Variants in MAPK4 observed in about 807,000 individuals in gnomAD.
MAPK4 encodes mitogen-activated protein kinase 4.
Under a neutral mutation model 47.7 loss-of-function variants are expected in MAPK4, and 22 were observed. The observed-to-expected ratio is 0.46, with a 90% CI of 0.33 to 0.66. MAPK4 has a LOEUF of 0.66. MAPK4 is among the 30% of genes least tolerant of loss of function. The probability of loss-of-function intolerance (pLI) is 0.02; values close to 1 mark genes in which losing one functional copy is unlikely to be tolerated. For synonymous variants in MAPK4, 390 were observed against 365.7 expected (o/e 1.07, Z -0.76); for missense variants, 736 against 831.7 (o/e 0.88, Z 1.42).
At chr18:50,608,967 A>G (rs1037472503) in intron 1 of MAPK4, among the ~76,000 whole-genome samples, 2 of 152,024 alleles carry the variant, frequency 1.3e-5, no homozygotes, top group African/African-American at 2.4e-5. Context: ...AACGAAGCAC[A>G]TCTTGCACCA....
intron 4 of MAPK4, among the ~76,000 whole-genome samples, 175 bp from the exon 5 acceptor site, chr18:50,725,787 G>C (rs1911158534): frequency 2.0e-5 from 3 of 152,228 alleles, no homozygotes; most frequent in Admixed American, 2.0e-4. Context: ...GGCAGCATCT[G>C]CTTTGCCTTT....
chr18:50,709,471 G>A (rs1174262990), intron 2 of MAPK4, among the ~76,000 whole-genome samples: 3 of 152,206 alleles, frequency 2.0e-5, no homozygotes, highest in Non-Finnish European at 4.4e-5. Flanking sequence ...GCCTGCCCAG[G>A]CTAATTAGAA....
intron 3 of MAPK4, 112 bp from the exon 4 acceptor site, chr18:50,721,826 C>G: frequency 1.0e-6 from 1 of 999,636 alleles, no homozygotes; most frequent in South Asian, 1.6e-5. Flanking sequence ...CAGCCCAGTG[C>G]TGCCCCACTG....
chr18:50,601,857 C>A (rs564628821), intron 1 of MAPK4, among the ~76,000 whole-genome samples: 3 of 152,302 alleles, frequency 2.0e-5, no homozygotes, highest in Non-Finnish European at 2.9e-5. Flanking sequence ...TACCTCTTGC[C>A]TTCCGTGGCA....
chr18:50,721,801 C>A, intron 3 of MAPK4, 137 bp from the exon 4 acceptor site: 1 of 760,440 alleles, frequency 1.3e-6, no homozygotes, highest in Non-Finnish European at 2.1e-6. Context: ...CAAATGAAGA[C>A]CAGAACCCCG....
chr18:50,729,505 C>T lies in MAPK4; in HGVS notation c.1415C>T (p.Thr472Met). 1.4e-6 allele frequency: 2 copies of T among 1,454,300 alleles called. No individual in the cohort carries two copies. The highest frequency in any genetic ancestry group is 1.4e-5 in the African/African-American group (1 of 70,042). The allele number at this position is 1,454,300 out of a possible 1,614,324, so 90.1% of individuals were successfully genotyped here. Residue 472 changes from threonine to methionine, a missense_variant, in exon 6 of 6, where the codon ACG (threonine) becomes ATG (methionine). Coordinates refer to ENST00000400384, the MANE Select transcript of MAPK4 (RefSeq NM_002747.4). ...HWKQAAGAPP[T>M]ATGLADTGAR... is the part of the protein sequence containing the mutation. ...AAGCAGGCGGCCGGCGCGCCCCCCA[C>T]GGCCACGGGGCTGGCGGACACGGGG...
At chr18:50,638,893 C>T (rs1266955430) in intron 1 of MAPK4, among the ~76,000 whole-genome samples, 1 of 152,158 alleles carries the variant, frequency 6.6e-6, no homozygotes, top group Non-Finnish European at 1.5e-5. Context: ...AGACAGGGAA[C>T]TGAGACTCAG....
At chr18:50,612,511 A>G (rs1340143742) in intron 1 of MAPK4, among the ~76,000 whole-genome samples, 2 of 152,202 alleles carry the variant, frequency 1.3e-5, no homozygotes, top group African/African-American at 4.8e-5. Flanking sequence ...AGGGCATAGA[A>G]CAAGAGCTGT....
At chr18:50,727,296 C>A in intron 5 of MAPK4, among the ~76,000 whole-genome samples, 1 of 152,194 alleles carries the variant, frequency 6.6e-6, no homozygotes, top group East Asian at 1.9e-4. Flanking sequence ...GGGGGCCTAA[C>A]TGGGAGTCCC....
intron 1 of MAPK4, among the ~76,000 whole-genome samples, chr18:50,637,471 A>C (rs1225654209): frequency 6.6e-6 from 1 of 152,174 alleles, no homozygotes; most frequent in African/African-American, 2.4e-5. Context: ...CCTCACTCTT[A>C]ACCAGCTAAA....
chr18:50,653,644 G>A (rs2043075964), intron 1 of MAPK4, among the ~76,000 whole-genome samples: 1 of 152,216 alleles, frequency 6.6e-6, no homozygotes, highest in South Asian at 2.1e-4. Flanking sequence ...AGGAAGCGGA[G>A]GAGAATGGGC....
intron 1 of MAPK4, among the ~76,000 whole-genome samples, chr18:50,606,819 A>G (rs911149205): frequency 1.3e-5 from 2 of 152,162 alleles, no homozygotes; most frequent in African/African-American, 4.8e-5. Context: ...CAGCTGTCCA[A>G]TGTGTGTGAG....
chr18:50,606,350 G>A (rs1024451182), intron 1 of MAPK4, among the ~76,000 whole-genome samples: 1 of 152,094 alleles, frequency 6.6e-6, no homozygotes, highest in African/African-American at 2.4e-5. Flanking sequence ...ATACACTAGG[G>A]ATTTTGTCTT....
chr18:50,712,622 G>A (rs1179207000), intron 2 of MAPK4, among the ~76,000 whole-genome samples: 2 of 151,028 alleles, frequency 1.3e-5, no homozygotes, highest in Non-Finnish European at 2.9e-5. Flanking sequence ...CTGGCCCAAG[G>A]GCAGCCTTAC....
rs777563467 is a variant in MAPK4, at chr18:50,725,968, A to T, written c.860A>T (p.Asp287Val). 7.4e-6 allele frequency: 12 copies of T among 1,614,016 alleles called. No homozygotes were observed. The East Asian group carries it at 2.2e-4, about 30-fold the overall frequency. ...CCGGCTTTGCTCCCTGCAGCCATCG[A>T]CTTTCTGGAGAAGATCCTGACCTTT... ...LLPEVNSEAI[D>V]FLEKILTFNP... is the part of the protein sequence containing the mutation. The change falls in exon 5 of 6, where the codon GAC (aspartate) becomes GTC (valine). Residue 287 changes from aspartate to valine, a missense_variant. By Grantham distance (152) the Asp-to-Val change is radical. Around this residue, in one of 3 missense-constraint regions of MAPK4, gnomAD observed 327 missense variants for 395.4 expected, o/e 0.83. Coordinates refer to ENST00000400384, the MANE Select transcript of MAPK4 (RefSeq NM_002747.4).
intron 2 of MAPK4, among the ~76,000 whole-genome samples, chr18:50,675,428 T>C (rs1908207867): frequency 6.6e-6 from 1 of 152,028 alleles, no homozygotes; most frequent in African/African-American, 2.4e-5. Context: ...GCGATTCTCC[T>C]GCCTCAGCCT....
rs530183901 is a variant in MAPK4, at chr18:50,721,477, T to A, written c.692-461T>A. Among the ~76,000 whole-genome samples, 15 of 152,298 alleles carry A rather than the reference T, an allele frequency of 9.8e-5. No individual in the cohort carries two copies. The East Asian group carries it at 2.7e-3, about 27-fold the overall frequency. On this transcript the variant is annotated intron_variant, in intron 3 of 5. Transcript: ENST00000400384. ...ACCCAATTTGTTATTCCTGATTTGT[T>A]TTTCTCTTGAAAGTTTCCTAGATGG...
At chr18:50,663,039 G>A (rs1907367302) in intron 1 of MAPK4, 50 bp from the exon 2 acceptor site, 1 of 152,278 alleles carries the variant, frequency 6.6e-6, no homozygotes. Context: ...AAGTGGGAAG[G>A]TGTTGGAAGC....
intron 1 of MAPK4, among the ~76,000 whole-genome samples, chr18:50,584,016 G>T (rs1206007083): frequency 6.6e-6 from 1 of 152,182 alleles, no homozygotes; most frequent in Admixed American, 6.5e-5. Context: ...GGCATATTGA[G>T]GATTGAGTAA....
Sources: allele counts gnomAD v4.1 joint callset (sites outside exome capture counted in the v4.1 genomes callset), GRCh38; gene constraint gnomAD v4.1.1; regional missense constraint gnomAD v4.1.1; transcripts MANE v1.5; gene names NCBI Gene and HGNC (gene_info 2026-07-23, HGNC 2026-07-21).